Variants in CEP112 observed in about 807,000 individuals in gnomAD.
CEP112 encodes centrosomal protein 112.
CEP112 carries 127 observed loss-of-function variants against 153.0 expected under a neutral mutation model. The ratio of observed to expected loss-of-function variants is 0.83; its 90% CI spans 0.72 to 0.96. The LOEUF (loss-of-function observed/expected upper bound fraction) is 0.96. Ranked by LOEUF, CEP112 falls within the 40% of genes least tolerant of loss-of-function variation. The probability of loss-of-function intolerance (pLI) is 0.00; values close to 1 mark genes in which losing one functional copy is unlikely to be tolerated. For missense variants in CEP112, 1,089 were observed against 1,101.2 expected, an observed-to-expected ratio of 0.99 and a Z score of 0.16; for synonymous variants, 358 against 374.4, an observed-to-expected ratio of 0.96 and a Z score of 0.51.
rs114284589 is a variant in CEP112, at chr17:65,899,510, C to T, written c.2163+2642G>A. Among the ~76,000 whole-genome samples, 942 of 152,096 alleles carry T rather than the reference C, an allele frequency of 6.2e-3. 12 individuals carry two copies. Among genetic ancestry groups the T allele is most frequent in the African/African-American group, 0.021 (888 of 41,504 alleles). ...AAACAGAAATTATTAGAATAACAAC[C>T]TATAATAATTATAAAACATATTCAC... On this transcript the variant is annotated intron_variant, in intron 20 of 26. Coordinates refer to ENST00000535342, the MANE Select transcript of CEP112 (RefSeq NM_001199165.4).
intron 21 of CEP112, among the ~76,000 whole-genome samples, chr17:65,817,786 T>C (rs2056347293): frequency 6.6e-6 from 1 of 151,888 alleles, no homozygotes; most frequent in Admixed American, 6.6e-5. Flanking sequence ...TGGAAACTTT[T>C]ATAGTATTTT....
intron 6 of CEP112, among the ~76,000 whole-genome samples, chr17:66,125,741 A>G (rs894585174): frequency 2.6e-5 from 4 of 152,088 alleles, no homozygotes; most frequent in Non-Finnish European, 5.9e-5. Flanking sequence ...AGAGGAAAAG[A>G]AAAGAAAAAA....
chr17:65,990,454 A>G lies in CEP112; in HGVS notation c.1736+15236T>C, dbSNP rs148079368. ...CTCCCCCATCCACCAGCCAGATAGC[A>G]TCTGTGCTCTTGGGAGAAGGAGAGC... On this transcript the variant is annotated intron_variant, in intron 17 of 26. Coordinates refer to ENST00000535342, the MANE Select transcript of CEP112 (RefSeq NM_001199165.4). 5.1e-3 allele frequency among the ~76,000 whole-genome samples: 771 copies of G among 152,358 alleles called. 8 individuals carry two copies. Among genetic ancestry groups the G allele is most frequent in the African/African-American group, 0.018 (738 of 41,592 alleles).
chr17:66,095,244 G>A (rs2068292502), intron 8 of CEP112, among the ~76,000 whole-genome samples: 1 of 151,892 alleles, frequency 6.6e-6, no homozygotes, highest in South Asian at 2.1e-4. Flanking sequence ...AATATAAAGT[G>A]TCCATCAACA....
chr17:65,712,711 A>G (rs2049263966), intron 23 of CEP112, among the ~76,000 whole-genome samples: 1 of 152,186 alleles, frequency 6.6e-6, no homozygotes, highest in Non-Finnish European at 1.5e-5. Context: ...AGTGACCAAA[A>G]TAGTACTAGA....
At chr17:65,818,032 C>T (rs370276844) in intron 21 of CEP112, among the ~76,000 whole-genome samples, 2 of 151,868 alleles carry the variant, frequency 1.3e-5, no homozygotes, top group South Asian at 4.2e-4. Flanking sequence ...TTTTCTTCTT[C>T]GTATTGTCAA....
chr17:66,041,478 G>T (rs1478238993), intron 12 of CEP112, among the ~76,000 whole-genome samples: 2 of 151,962 alleles, frequency 1.3e-5, no homozygotes, highest in African/African-American at 2.4e-5. Flanking sequence ...ACCTATCAAT[G>T]ACATTAAATA....
chr17:65,827,150 G>T (rs1210739874), intron 21 of CEP112, among the ~76,000 whole-genome samples: 5 of 152,186 alleles, frequency 3.3e-5, no homozygotes, highest in Non-Finnish European at 7.3e-5. Context: ...GGGCTCTCAG[G>T]TCTTCAGCCA....
At chr17:66,140,233 T>A (rs1054890391) in intron 4 of CEP112, among the ~76,000 whole-genome samples, 1 of 152,172 alleles carries the variant, frequency 6.6e-6, no homozygotes, top group African/African-American at 2.4e-5. Context: ...TATTTTTTTA[T>A]GATAAAAACT....
In CEP112 at chr17:65,826,671, C is replaced by T. The variant is rs1237908230; in HGVS notation, c.2394+25133G>A. On this transcript the variant is annotated intron_variant, in intron 21 of 26. Transcript: ENST00000535342. ...AGGCAACAGTATGACGAAAGGTTGA[C>T]TTCTGTGCATCACTGTTCAGCTTAC... 3 of 475,626 alleles carry T rather than the reference C, an allele frequency of 6.3e-6. No individual in the cohort carries two copies. The African/African-American group carries it at 6.3e-5, about 10-fold the overall frequency. The allele number at this position is 475,626 out of a possible 1,614,324, so 29.5% of individuals were successfully genotyped here. A position where few individuals can be genotyped will look rare whatever the true frequency, so the allele number is the denominator to read the frequency against.
At chr17:65,978,636 TC>T (rs1415184666) in intron 17 of CEP112, among the ~76,000 whole-genome samples, 1 of 152,226 alleles carries the variant, frequency 6.6e-6, no homozygotes, top group African/African-American at 2.4e-5. Context: ...CATATTTTAC[TC>T]CCCATAAGGG....
intron 18 of CEP112, among the ~76,000 whole-genome samples, chr17:65,937,233 G>A (rs1453908959): frequency 5.8e-5 from 7 of 121,382 alleles, no homozygotes; most frequent in Admixed American, 2.9e-4. Flanking sequence ...CTGCCCGGCC[G>A]CCACCCCGTC....
chr17:65,814,186 A>G (rs1241976554), intron 21 of CEP112, among the ~76,000 whole-genome samples: 1 of 152,178 alleles, frequency 6.6e-6, no homozygotes, highest in Non-Finnish European at 1.5e-5. Context: ...AGTTATTGAC[A>G]GGGGCTTTGC....
At position 65,845,981 on chromosome 17, in the gene CEP112, A is replaced by G. The variant is rs552609850; in HGVS notation, c.2394+5823T>C. 2.6e-5 allele frequency among the ~76,000 whole-genome samples: 4 copies of G among 152,310 alleles called. No individual in the cohort carries two copies. The South Asian group carries it at 6.2e-4, about 24-fold the overall frequency. On this transcript the variant is annotated intron_variant, in intron 21 of 26. Transcript: ENST00000535342. ...TTAGGAATTCTTTTATAACCTTAAC[A>G]TCGTAAGTGCTACTGAAACAACACA...
intron 3 of CEP112, 57 bp downstream of exon 3, chr17:66,176,773 A>G: frequency 1.5e-6 from 2 of 1,351,028 alleles, no homozygotes; most frequent in Non-Finnish European, 2.0e-6. Context: ...AGGGATGATA[A>G]CTTGACGCTT....
chr17:66,164,914 GTGTGTGTA>G lies in CEP112; in HGVS notation c.470+10122_470+10129del, dbSNP rs564365774. 3.6e-3 allele frequency among the ~76,000 whole-genome samples: 519 copies of G among 143,374 alleles called. 6 individuals are homozygous for G. The highest frequency in any genetic ancestry group is 0.014 in the East Asian group (72 of 5,022). 94.1% of individuals were successfully genotyped at this position (143,374 alleles called of 152,430 possible). On this transcript the variant is annotated intron_variant, in intron 4 of 26. Transcript: ENST00000535342. Reference sequence around the variant, plus strand: ...TGTGTGTGTGTGTGTGTGTGTGTGTGTGTGTGTATATTTATTTATAAACAGTTTCTTTT... The same window carrying G: ...TGTGTGTGTGTGTGTGTGTGTGTGTGTATTTATTTATAAACAGTTTCTTTT...
chr17:65,708,709 C>G (rs996593972), intron 23 of CEP112, among the ~76,000 whole-genome samples: 2 of 152,186 alleles, frequency 1.3e-5, no homozygotes, highest in Non-Finnish European at 2.9e-5. Context: ...AGTTTTAAAA[C>G]ATTTAGATCG....
intron 17 of CEP112, among the ~76,000 whole-genome samples, chr17:65,980,310 A>G (rs1391519586): frequency 6.6e-6 from 1 of 152,240 alleles, no homozygotes; most frequent in Non-Finnish European, 1.5e-5. Flanking sequence ...CCATTGTTAA[A>G]ATTCATGACA....
intron 18 of CEP112, among the ~76,000 whole-genome samples, chr17:65,939,724 A>G (rs968710354): frequency 1.3e-5 from 2 of 152,206 alleles, no homozygotes; most frequent in Non-Finnish European, 2.9e-5. Flanking sequence ...ATCATACACC[A>G]TATACAAAAA....
Sources: gnomAD v4.1 joint callset for allele counts (sites outside exome capture counted in the v4.1 genomes callset) on GRCh38, gnomAD v4.1.1 for gene constraint, MANE v1.5 for transcripts, NCBI Gene and HGNC (gene_info 2026-07-23, HGNC 2026-07-21) for gene names.